Variants in SMARCAL1 observed in about 807,000 individuals in gnomAD.
The protein encoded by SMARCAL1 is SNF2 related chromatin remodeling annealing helicase 1.
In SMARCAL1, 58 loss-of-function variants were observed where a neutral mutation model predicts 94.5. That is an observed-to-expected ratio of 0.61 (90% CI 0.50 to 0.76). The LOEUF (loss-of-function observed/expected upper bound fraction) is 0.76. SMARCAL1 is among the 30% of genes least tolerant of loss of function. The pLI, the probability that SMARCAL1 is intolerant of heterozygous loss-of-function variation, is 0.00. For missense variants in SMARCAL1, 1,051 were observed against 1,177.9 expected (o/e 0.89, Z 1.58); for synonymous variants, 422 against 455.1 (o/e 0.93, Z 0.93).
chr2:216,467,470 C>CAA (rs34678979), intron 13 of SMARCAL1, among the ~76,000 whole-genome samples: 3,884 of 46,886 alleles, frequency 0.083, 146 homozygotes, highest in African/African-American at 0.12. Flanking sequence ...AACTCAGTCT[C>CAA]AAAAAAAAAA....
At chr2:216,472,176 G>A (rs1317151868) in intron 14 of SMARCAL1, among the ~76,000 whole-genome samples, 1 of 152,062 alleles carries the variant, frequency 6.6e-6, no homozygotes, top group Non-Finnish European at 1.5e-5. Flanking sequence ...ACAACATGGC[G>A]GAACCCCATC....
intron 14 of SMARCAL1, among the ~76,000 whole-genome samples, chr2:216,473,333 C>T (rs1242306898): frequency 7.5e-5 from 11 of 147,292 alleles, no homozygotes; most frequent in East Asian, 3.9e-4. Flanking sequence ...TTGTGTGTCT[C>T]GTTCCTTTTT....
chr2:216,432,285 C>T (rs975025062), intron 7 of SMARCAL1, among the ~76,000 whole-genome samples: 11 of 152,122 alleles, frequency 7.2e-5, no homozygotes, highest in African/African-American at 9.7e-5. Flanking sequence ...TGAGCCACCG[C>T]GCCCGACCCT....
Position 216,438,578 on chromosome 2 carries a change from A to G in SMARCAL1, c.1710+93A>G, listed in dbSNP as rs1449684814. On this transcript the variant is annotated intron_variant, in intron 10 of 17. Coordinates refer to ENST00000357276, the MANE Select transcript of SMARCAL1 (RefSeq NM_014140.4). ...GTCGTCCTAGTCCAGCAGGGGTTGC[A>G]AGTATAGACCTGTGGGCCATGGTCA... 4 of 1,056,502 alleles carry G rather than the reference A, an allele frequency of 3.8e-6. No individual in the cohort carries two copies. In the African/African-American group the frequency reaches 6.3e-5, roughly 17 times the overall value. 65.4% of individuals were successfully genotyped at this position (1,056,502 alleles called of 1,614,324 possible). A position where few individuals can be genotyped will look rare whatever the true frequency, so the allele number is the denominator to read the frequency against.
intron 10 of SMARCAL1, among the ~76,000 whole-genome samples, chr2:216,444,856 C>G (rs1405767015): frequency 6.6e-6 from 1 of 152,158 alleles, no homozygotes; most frequent in East Asian, 1.9e-4. Flanking sequence ...TATCCACTTT[C>G]AATTACGACA....
At chr2:216,448,015 G>A (rs1046933851) in intron 11 of SMARCAL1, among the ~76,000 whole-genome samples, 2 of 152,116 alleles carry the variant, frequency 1.3e-5, no homozygotes, top group Non-Finnish European at 2.9e-5. Flanking sequence ...AAGAGTGTCT[G>A]CCTTATTTTT....
chr2:216,472,307 A>G (rs1694986054), intron 14 of SMARCAL1, among the ~76,000 whole-genome samples: 1 of 152,198 alleles, frequency 6.6e-6, no homozygotes, highest in Admixed American at 6.5e-5. Context: ...GTGAGCCGAG[A>G]TCCTGCCACT....
At chr2:216,474,572 T>G (rs980022866) in intron 14 of SMARCAL1, among the ~76,000 whole-genome samples, 1 of 149,374 alleles carries the variant, frequency 6.7e-6, no homozygotes, top group South Asian at 2.1e-4. Context: ...CTGGCCAACA[T>G]AGTGGAACCA....
In SMARCAL1 at chr2:216,475,836, C is replaced by T. The variant is rs1257536988; in HGVS notation, c.2427+385C>T. 1.3e-5 allele frequency among the ~76,000 whole-genome samples: 2 copies of T among 152,036 alleles called. No individual in the cohort carries two copies. Among genetic ancestry groups the T allele is most frequent in the Non-Finnish European group, 2.9e-5 (2 of 67,996 alleles). ...TGTAGGATTATCGACTCCATTTTATCAACGGGAAGGTTGAAGTCTTCCAGG... is the reference window on the plus strand; with the variant it reads ...TGTAGGATTATCGACTCCATTTTATTAACGGGAAGGTTGAAGTCTTCCAGG... On this transcript the variant is annotated intron_variant, in intron 15 of 17. Transcript: ENST00000357276. This position sits in a 1 kb window ranked among gnomAD's most constrained non-coding sequence, Gnocchi z 4.4.
At chr2:216,474,886 C>T (rs1695038271) in intron 14 of SMARCAL1, among the ~76,000 whole-genome samples, 1 of 152,158 alleles carries the variant, frequency 6.6e-6, no homozygotes, top group African/African-American at 2.4e-5. Flanking sequence ...AGTATCTTAA[C>T]ATTGGAGGTG....
intron 14 of SMARCAL1, among the ~76,000 whole-genome samples, chr2:216,470,165 T>C (rs528444439): frequency 1.3e-5 from 2 of 151,688 alleles, no homozygotes; most frequent in South Asian, 2.1e-4. Context: ...ATTTATTTTG[T>C]TGGGGAGGGG....
In SMARCAL1 at chr2:216,475,313, G is replaced by T; in HGVS notation, c.2289G>T (p.Glu763Asp). The change falls in exon 15 of 18, where the codon GAG becomes GAT. Residue 763 changes from glutamate (E) to aspartate (D), a missense_variant. Coordinates refer to ENST00000357276, the MANE Select transcript of SMARCAL1 (RefSeq NM_014140.4). The surrounding 1 kb of genome is among the most constrained non-coding windows in gnomAD (Gnocchi z 4.4). ...IRIDGSTSSA[E>D]REDLCQQFQL... is the part of the protein sequence containing the mutation. ...TCGATGGCTCCACCTCATCAGCTGA[G>T]CGGGAGGACCTGTGCCAGCAGTTCC... is the stretch of plus-strand genomic sequence containing the variant. The T allele has an allele frequency of 6.2e-7, 1 of 1,614,228 alleles. No homozygotes were observed. The highest frequency in any genetic ancestry group is 8.5e-7 in the Non-Finnish European group (1 of 1,180,036).
chr2:216,428,836 C>T (rs1042629392), intron 7 of SMARCAL1, 54 bp downstream of exon 7: 1 of 1,459,264 alleles, frequency 6.9e-7, no homozygotes, highest in East Asian at 2.3e-5. Flanking sequence ...TCATTACTCA[C>T]CACAGACTGC....
At position 216,447,958 on chromosome 2, in the gene SMARCAL1, G is replaced by A. The variant is rs539348849; in HGVS notation, c.1851+800G>A. 4.6e-5 allele frequency among the ~76,000 whole-genome samples: 7 copies of A among 152,308 alleles called. No homozygotes were observed. The East Asian group carries it at 1.3e-3, about 29-fold the overall frequency. On this transcript the variant is annotated intron_variant, in intron 11 of 17. Coordinates refer to ENST00000357276, the MANE Select transcript of SMARCAL1 (RefSeq NM_014140.4). ...GAAATAGCTGCAACTTACCCTACAA[G>A]CCATCTATGAGGGAAAAGCCTTGCT... is the stretch of plus-strand genomic sequence containing the variant.
At chr2:216,469,352 G>A (rs284529) in intron 14 of SMARCAL1, among the ~76,000 whole-genome samples, 47,082 of 144,412 alleles carry the variant, frequency 0.33, 9,244 homozygotes, top group African/African-American at 0.56. Context: ...CACGACCTTG[G>A]CTCACTGCAA....
intron 6 of SMARCAL1, among the ~76,000 whole-genome samples, chr2:216,425,138 G>A (rs1693803877): frequency 6.6e-6 from 1 of 152,204 alleles, no homozygotes; most frequent in East Asian, 1.9e-4. Flanking sequence ...GCTGCGCTCG[G>A]CTCACGCTAC....
chr2:216,435,575 C>G, intron 9 of SMARCAL1, 79 bp downstream of exon 9: 1 of 1,214,960 alleles, frequency 8.2e-7, no homozygotes, highest in Non-Finnish European at 1.2e-6. Flanking sequence ...ACTTTCATGT[C>G]TGTAATCTCC....
chr2:216,413,158 G>A (rs1179284094), intron 1 of SMARCAL1, among the ~76,000 whole-genome samples: 1 of 138,356 alleles, frequency 7.2e-6, no homozygotes, highest in Non-Finnish European at 1.6e-5. Context: ...GGGGAGGGGG[G>A]AGGGGGGTTG....
At position 216,415,412 on chromosome 2, in the gene SMARCAL1, T is replaced by G; in HGVS notation, c.708T>G (p.Ser236=). The change falls in exon 3 of 18, where the codon TCT becomes TCG. Residue 236 remains serine, a synonymous_variant. Transcript: ENST00000357276. ...SGSSVQKGVN[S]QKGKCVRNGD... is the part of the protein sequence containing the mutation. The stretch of plus-strand genomic sequence containing the variant: ...CCTCAGTCCAAAAAGGAGTGAACTC[T>G]CAGAAGGGAAAGTGCGTAAGGAACG... The G allele has an allele frequency of 6.2e-7, 1 of 1,614,200 alleles. No homozygotes were observed. The highest frequency in any genetic ancestry group is 1.1e-5 in the South Asian group (1 of 91,086).
Sources: allele counts gnomAD v4.1 joint callset (sites outside exome capture counted in the v4.1 genomes callset), GRCh38; gene constraint gnomAD v4.1.1; non-coding constraint Gnocchi (gnomAD v3.1); transcripts MANE v1.5; gene names NCBI Gene and HGNC (gene_info 2026-07-23, HGNC 2026-07-21).